Variants in MOB4 observed in about 807,000 individuals in gnomAD.
MOB4 encodes MOB family member 4, phocein.
Under a neutral mutation model 32.2 loss-of-function variants are expected in MOB4, and 4 were observed. That is an observed-to-expected ratio of 0.12 (90% confidence interval 0.06 to 0.28). The LOEUF (loss-of-function observed/expected upper bound fraction) is 0.28. Among genes scored for constraint, MOB4 ranks in the 10% least tolerant of loss-of-function variants. The probability of loss-of-function intolerance (pLI) is 1.00; values close to 1 mark genes in which losing one functional copy is unlikely to be tolerated. For synonymous variants in MOB4, 88 were observed against 88.1 expected, an observed-to-expected ratio of 1.00 and a Z score of 0.01; for missense variants, 158 against 271.2, an observed-to-expected ratio of 0.58 and a Z score of 2.93.
chr2:197,524,643 A>AT (rs1242282778), intron 2 of MOB4, among the ~76,000 whole-genome samples: 1 of 151,976 alleles, frequency 6.6e-6, no homozygotes, highest in Non-Finnish European at 1.5e-5. Context: ...CATTGGTTAA[A>AT]TTTTTTTTGT....
chr2:197,532,175 C>T (rs151118516), intron 2 of MOB4, among the ~76,000 whole-genome samples: 266 of 152,218 alleles, frequency 1.7e-3, no homozygotes, highest in African/African-American at 6.2e-3. Context: ...TCCCAAAGTG[C>T]TGGGATTACA....
intron 5 of MOB4, among the ~76,000 whole-genome samples, chr2:197,542,383 A>G (rs2086911152): frequency 6.6e-6 from 1 of 152,240 alleles, no homozygotes; most frequent in Non-Finnish European, 1.5e-5. Flanking sequence ...TACAAACAAA[A>G]GAACAATTTG....
intron 2 of MOB4, chr2:197,533,755 T>C: frequency 2.6e-6 from 1 of 379,282 alleles, no homozygotes; most frequent in Admixed American, 3.3e-5. Context: ...AAGTATTTGA[T>C]CCCTTTCCCT....
chr2:197,525,475 C>T (rs1180534811), intron 2 of MOB4, among the ~76,000 whole-genome samples: 1 of 152,072 alleles, frequency 6.6e-6, no homozygotes, highest in African/African-American at 2.4e-5. Flanking sequence ...GGGGCTCACA[C>T]CTGTAATCTT....
At chr2:197,518,207 G>T (rs981904230) in intron 1 of MOB4, among the ~76,000 whole-genome samples, 5 of 151,846 alleles carry the variant, frequency 3.3e-5, no homozygotes, top group Non-Finnish European at 2.9e-5. Flanking sequence ...AAAAAAGTTG[G>T]TTAGACTGGA....
intron 1 of MOB4, among the ~76,000 whole-genome samples, chr2:197,521,659 A>G (rs944092485): frequency 3.3e-5 from 5 of 152,158 alleles, no homozygotes; most frequent in African/African-American, 1.2e-4. Context: ...CCAGGCGTGT[A>G]TTCTCTTTCC....
At chr2:197,532,254 G>A (rs918205627) in intron 2 of MOB4, among the ~76,000 whole-genome samples, 2 of 151,924 alleles carry the variant, frequency 1.3e-5, no homozygotes, top group Non-Finnish European at 2.9e-5. Flanking sequence ...TTTCTTTTTT[G>A]CTTTATATAA....
At chr2:197,524,910 A>G (rs367715809) in intron 2 of MOB4, among the ~76,000 whole-genome samples, 4 of 152,104 alleles carry the variant, frequency 2.6e-5, no homozygotes, top group East Asian at 1.9e-4. Flanking sequence ...AGCTGGGACT[A>G]TAGGCGCACA....
chr2:197,516,993 C>T (rs1260402071), intron 1 of MOB4, among the ~76,000 whole-genome samples: 1 of 152,060 alleles, frequency 6.6e-6, no homozygotes, highest in African/African-American at 2.4e-5. Flanking sequence ...GCTCTGAAAT[C>T]GGAAGAGATG....
At chr2:197,540,018 T>G in intron 3 of MOB4, 93 bp from the exon 4 acceptor site, 1 of 1,356,564 alleles carries the variant, frequency 7.4e-7, no homozygotes, top group Admixed American at 2.4e-5. Flanking sequence ...GGAGGAGGGA[T>G]GATACTGATG....
intron 2 of MOB4, among the ~76,000 whole-genome samples, chr2:197,532,129 G>T (rs902604235): frequency 1.7e-4 from 26 of 151,936 alleles, no homozygotes; most frequent in Admixed American, 1.6e-3. Flanking sequence ...GGCTGGTCTT[G>T]AACTCTTGAC....
chr2:197,516,563 T>G (rs748807349), intron 1 of MOB4: 1 of 495,856 alleles, frequency 2.0e-6, no homozygotes, highest in South Asian at 1.5e-5. Flanking sequence ...AAACACAGCC[T>G]ACCTCGACCC....
At position 197,524,306 on chromosome 2, in the gene MOB4, G is replaced by T. The variant is rs1281932947; in HGVS notation, c.123+620G>T. ...CCAGCATTTTGGGAAGCCGAGGCAG[G>T]TGGATCACTAGGTCAGGATATCAAG... On this transcript the variant is annotated intron_variant, in intron 2 of 7. Transcript: ENST00000323303. Among the ~76,000 whole-genome samples the T allele has an allele frequency of 2.6e-5, 4 of 152,180 alleles. No individual in the cohort carries two copies. In the East Asian group the frequency reaches 7.7e-4, roughly 29 times the overall value.
chr2:197,538,251 C>G (rs535250076), intron 3 of MOB4, among the ~76,000 whole-genome samples: 2 of 151,670 alleles, frequency 1.3e-5, no homozygotes, highest in African/African-American at 2.4e-5. Context: ...ACAAGTATTT[C>G]ATTTGTTCTG....
In MOB4 at chr2:197,552,349, A is replaced by G. The variant is rs1432660256; in HGVS notation, c.*1703A>G. 1 of 152,370 alleles carries G rather than the reference A, an allele frequency of 6.6e-6. No individual in the cohort carries two copies. Among genetic ancestry groups the G allele is most frequent in the East Asian group, 1.9e-4 (1 of 5,336 alleles). 9.4% of individuals were successfully genotyped at this position (152,370 alleles called of 1,614,324 possible). On this transcript the variant is annotated 3_prime_UTR_variant, in exon 8 of 8. Transcript: ENST00000323303. Reference sequence around the variant, plus strand: ...TTGCTAAATATTGAGAAACTAAACTACTAAGTTAATAAATTATATATAGCA... The same window carrying G: ...TTGCTAAATATTGAGAAACTAAACTGCTAAGTTAATAAATTATATATAGCA...
rs1367254150 is a variant in MOB4 at position 197,552,067 on chromosome 2, C to T, written c.*1421C>T. On this transcript the variant is annotated 3_prime_UTR_variant, in exon 8 of 8. Transcript: ENST00000323303. ...AATTTAAGGGAATAATTTATACCAT[C>T]TTTTCAGACAAGAATGTACAGCAAA... The T allele has an allele frequency of 6.6e-6, 1 of 152,258 alleles. No individual in the cohort carries two copies. The highest frequency in any genetic ancestry group is 6.5e-5 in the Admixed American group (1 of 15,270). 9.4% of individuals were successfully genotyped at this position (152,258 alleles called of 1,614,324 possible). A position where few individuals can be genotyped will look rare whatever the true frequency, so the allele number is the denominator to read the frequency against.
intron 5 of MOB4, among the ~76,000 whole-genome samples, 177 bp from the exon 6 acceptor site, chr2:197,548,159 G>T (rs2087031155): frequency 6.6e-6 from 1 of 151,886 alleles, no homozygotes; most frequent in South Asian, 2.1e-4. Context: ...GGTTCAAGGG[G>T]ATAATAAACC....
At chr2:197,544,151 T>C (rs1221635104) in intron 5 of MOB4, among the ~76,000 whole-genome samples, 2 of 152,176 alleles carry the variant, frequency 1.3e-5, no homozygotes, top group African/African-American at 4.8e-5. Context: ...TGCCTCACTG[T>C]AGCCCCCACC....
chr2:197,541,776 G>A (rs943007341), intron 5 of MOB4, among the ~76,000 whole-genome samples: 1 of 151,938 alleles, frequency 6.6e-6, no homozygotes, highest in Non-Finnish European at 1.5e-5. Flanking sequence ...AAAATTAGCC[G>A]GGCGTAGTGG....
Sources: gnomAD v4.1 joint callset for allele counts (sites outside exome capture counted in the v4.1 genomes callset) on GRCh38, gnomAD v4.1.1 for gene constraint, MANE v1.5 for transcripts, NCBI Gene and HGNC (gene_info 2026-07-23, HGNC 2026-07-21) for gene names.